SCEL: variants seen among roughly 807,000 people sequenced by gnomAD.
SCEL encodes sciellin.
SCEL carries 113 observed loss-of-function variants against 117.6 expected under a neutral mutation model. The observed-to-expected ratio is 0.96, with a 90% CI of 0.83 to 1.12. The LOEUF is 1.12. Ranked by LOEUF, SCEL falls within the 50% of genes most tolerant of loss-of-function variation. The probability of loss-of-function intolerance (pLI) is 0.00; values close to 1 mark genes in which losing one functional copy is unlikely to be tolerated. For missense variants in SCEL, 785 were observed against 810.8 expected (o/e 0.97, Z 0.39); for synonymous variants, 270 against 256.2 (o/e 1.05, Z -0.51).
At chr13:77,558,053 A>G (rs2154396015) in intron 3 of SCEL, among the ~76,000 whole-genome samples, 1 of 152,330 alleles carries the variant, frequency 6.6e-6, no homozygotes, top group East Asian at 1.9e-4. Context: ...ATGAAACAGC[A>G]TTTATTGCTT....
chr13:77,595,485 TATTTA>T (rs1240476696), intron 12 of SCEL, among the ~76,000 whole-genome samples: 3 of 152,238 alleles, frequency 2.0e-5, no homozygotes, highest in African/African-American at 7.2e-5. Flanking sequence ...GTATCCATTT[TATTTA>T]ATTTGCCACA....
intron 31 of SCEL, among the ~76,000 whole-genome samples, chr13:77,641,330 C>T (rs532126773): frequency 1.3e-5 from 2 of 152,244 alleles, no homozygotes; most frequent in East Asian, 3.9e-4. Context: ...CGTTTCTTTG[C>T]ATTCTAACCA....
chr13:77,600,788 A>G (rs967060914), intron 15 of SCEL, among the ~76,000 whole-genome samples: 1 of 152,234 alleles, frequency 6.6e-6, no homozygotes, highest in Admixed American at 6.5e-5. Context: ...TTTGCCTTCC[A>G]GATTGGCTGT....
At position 77,591,586 on chromosome 13, in the gene SCEL, A is replaced by T. The variant is rs2086874513; in HGVS notation, c.692+126A>T. ...AAATCAGTTTTCCAACTGACTCCAA[A>T]ATATTAATAAATGTTTTTGTAGGCA... is the stretch of plus-strand genomic sequence containing the variant. On this transcript the variant is annotated intron_variant, in intron 11 of 32. Coordinates refer to ENST00000349847, the MANE Select transcript of SCEL (RefSeq NM_144777.3). The T allele has an allele frequency of 8.3e-6, 5 of 600,680 alleles. No homozygotes were observed. The South Asian group carries it at 1.2e-4, about 14-fold the overall frequency. The allele number at this position is 600,680 out of a possible 1,614,324, so 37.2% of individuals were successfully genotyped here.
chr13:77,587,692 G>A (rs979844349), intron 9 of SCEL, among the ~76,000 whole-genome samples: 16 of 152,056 alleles, frequency 1.1e-4, no homozygotes, highest in Middle Eastern at 3.4e-3. Context: ...AACTTTTCTC[G>A]CTTGGCTTCT....
intron 1 of SCEL, among the ~76,000 whole-genome samples, chr13:77,554,413 C>T (rs960315926): frequency 2.0e-5 from 3 of 152,170 alleles, no homozygotes; most frequent in East Asian, 3.9e-4. Context: ...ACAGCCTCCA[C>T]CTCTGATCTT....
intron 9 of SCEL, among the ~76,000 whole-genome samples, chr13:77,577,324 A>G (rs1567371888): frequency 6.6e-6 from 1 of 152,172 alleles, no homozygotes; most frequent in Non-Finnish European, 1.5e-5. Context: ...CAGGAAATTT[A>G]TGACCATGGA....
At chr13:77,635,636 C>T (rs180755348) in intron 29 of SCEL, among the ~76,000 whole-genome samples, 6 of 152,018 alleles carry the variant, frequency 3.9e-5, no homozygotes, top group African/African-American at 9.6e-5. Flanking sequence ...ACATCGTACT[C>T]GAGATTTTTT....
At chr13:77,554,180 C>T (rs1289169687) in intron 1 of SCEL, among the ~76,000 whole-genome samples, 1 of 152,124 alleles carries the variant, frequency 6.6e-6, no homozygotes, top group African/African-American at 2.4e-5. Context: ...GAACTACAGC[C>T]GGATCCCAGC....
chr13:77,563,898 A>G lies in SCEL; in HGVS notation c.289A>G (p.Arg97Gly), dbSNP rs2085133432. The change falls in exon 5 of 33, where the codon AGG becomes GGG. Residue 97 changes from arginine to glycine, a missense_variant and splice_region_variant. By Grantham distance (125) the Arg-to-Gly change is moderately radical. Transcript: ENST00000349847. Reference protein sequence around the residue: ...SRYSSDDTLDRISDRNDAAKT... With the variant: ...SRYSSDDTLDGISDRNDAAKT... ...GTACAGTTCTGATGACACTTTGGAC[A>G]GGTAAGGGGCTTTTGAACCATATAA... 6.3e-7 allele frequency: 1 copy of G among 1,582,356 alleles called. No individual in the cohort carries two copies. The highest frequency in any genetic ancestry group is 8.6e-7 in the Non-Finnish European group (1 of 1,167,660).
At chr13:77,615,998 GTCTC>G (rs35805753) in intron 24 of SCEL, among the ~76,000 whole-genome samples, 100 of 136,298 alleles carry the variant, frequency 7.3e-4, no homozygotes, top group African/African-American at 1.5e-3. Flanking sequence ...TAAAATTTAT[GTCTC>G]TCTGTGTGTG....
At chr13:77,572,050 C>A in intron 8 of SCEL, 74 bp from the exon 9 acceptor site, 2 of 1,262,432 alleles carry the variant, frequency 1.6e-6, no homozygotes, top group Non-Finnish European at 2.3e-6. Context: ...TTTTAACTGT[C>A]AAATTATTTT....
At chr13:77,568,169 G>A in intron 6 of SCEL, 126 bp from the exon 7 acceptor site, 1 of 635,640 alleles carries the variant, frequency 1.6e-6, no homozygotes, top group South Asian at 1.9e-5. Flanking sequence ...ATTAAAATAT[G>A]ATGCTTTCTA....
intron 27 of SCEL, among the ~76,000 whole-genome samples, chr13:77,624,707 G>C (rs562222074): frequency 6.6e-6 from 1 of 152,254 alleles, no homozygotes; most frequent in East Asian, 1.9e-4. Context: ...CCTGGGTGAT[G>C]GACAGAGATG....
intron 1 of SCEL, among the ~76,000 whole-genome samples, chr13:77,537,601 C>A (rs1376590823): frequency 6.6e-6 from 1 of 152,072 alleles, no homozygotes; most frequent in African/African-American, 2.4e-5. Context: ...GCCAGTAGCC[C>A]CTCAGCAGGG....
At chr13:77,595,631 C>T (rs2087180518) in intron 12 of SCEL, among the ~76,000 whole-genome samples, 1 of 152,166 alleles carries the variant, frequency 6.6e-6, no homozygotes, top group South Asian at 2.1e-4. Context: ...TGGGTTTGCT[C>T]TTTCCCTTGG....
chr13:77,563,845 G>A lies in SCEL; in HGVS notation c.236G>A (p.Arg79Lys). The A allele has an allele frequency of 6.3e-7, 1 of 1,596,180 alleles. No individual in the cohort carries two copies. The highest frequency in any genetic ancestry group is 8.5e-7 in the Non-Finnish European group (1 of 1,174,108). ...GTTTGCTACAGGAAAGTAAATGAGA[G>A]AGATGTGCCAAAAGCTACAATTAGT... is the stretch of plus-strand genomic sequence containing the variant. ...HDALDRKVNERDVPKATISRY... is the reference protein window; with the variant it reads ...HDALDRKVNEKDVPKATISRY... The change falls in exon 5 of 33, where the codon AGA becomes AAA. Residue 79 changes from arginine (R) to lysine (K), a missense_variant. Coordinates refer to ENST00000349847, the MANE Select transcript of SCEL (RefSeq NM_144777.3).
chr13:77,637,280 GCA>G (rs1212301243), intron 30 of SCEL, 86 bp downstream of exon 30: 2 of 263,908 alleles, frequency 7.6e-6, no homozygotes. Context: ...ACACACACAG[GCA>G]CACACACATA....
intron 28 of SCEL, among the ~76,000 whole-genome samples, chr13:77,631,374 C>A (rs994161468): frequency 1.3e-5 from 2 of 152,104 alleles, no homozygotes; most frequent in African/African-American, 2.4e-5. Context: ...CTATCACAGA[C>A]CCTAGGAGAC....
Sources: allele counts gnomAD v4.1 joint callset (sites outside exome capture counted in the v4.1 genomes callset), GRCh38; gene constraint gnomAD v4.1.1; transcripts MANE v1.5; gene names NCBI Gene and HGNC (gene_info 2026-07-23, HGNC 2026-07-21).